ADAMTSL3: variants seen among roughly 807,000 people sequenced by gnomAD.
The protein encoded by ADAMTSL3 is ADAMTS like 3.
A neutral mutation model predicts 201.7 loss-of-function variants in ADAMTSL3; 128 were observed. The observed-to-expected ratio is 0.63, with a 90% CI of 0.55 to 0.73. ADAMTSL3 has a LOEUF of 0.73. Among genes scored for constraint, ADAMTSL3 ranks in the 30% least tolerant of loss-of-function variants. The pLI is 0.00. For missense variants in ADAMTSL3, 1,990 were observed against 2,119.6 expected, an observed-to-expected ratio of 0.94 and a Z score of 1.20; for synonymous variants, 738 against 748.4, an observed-to-expected ratio of 0.99 and a Z score of 0.23.
Position 83,937,052 on chromosome 15 carries a change from C to T in ADAMTSL3, c.2118-5544C>T, listed in dbSNP as rs1002056182. On this transcript the variant is annotated intron_variant, in intron 17 of 29. Transcript: ENST00000286744. Reference sequence around the variant, plus strand: ...TTGCAGAGAAAAGAGAACATTTATACGCTGCTGGTGGGAATGTAAATTAAT... The same window carrying T: ...TTGCAGAGAAAAGAGAACATTTATATGCTGCTGGTGGGAATGTAAATTAAT... Among the ~76,000 whole-genome samples, 18 of 151,052 alleles carry T rather than the reference C, an allele frequency of 1.2e-4. 2 individuals are homozygous for T. Among genetic ancestry groups the T allele is most frequent in the Admixed American group, 2.6e-4 (4 of 15,236 alleles).
chr15:83,834,748 T>C (rs1477736684), intron 6 of ADAMTSL3, among the ~76,000 whole-genome samples: 2 of 152,220 alleles, frequency 1.3e-5, no homozygotes, highest in Admixed American at 6.5e-5. Flanking sequence ...AACTACACTG[T>C]AAGGTAAGAA....
In ADAMTSL3 at chr15:83,936,976, C is replaced by T. The variant is rs536471930; in HGVS notation, c.2118-5620C>T. ...ACCATAGCGAGATACCATCTCTCACCAGTCAGATGGCTATTATTAAAAAGT... is the reference window on the plus strand; with the variant it reads ...ACCATAGCGAGATACCATCTCTCACTAGTCAGATGGCTATTATTAAAAAGT... On this transcript the variant is annotated intron_variant, in intron 17 of 29. Coordinates refer to ENST00000286744, the MANE Select transcript of ADAMTSL3 (RefSeq NM_207517.3). 2.6e-5 allele frequency among the ~76,000 whole-genome samples: 4 copies of T among 150,956 alleles called. 1 individual carries two copies. Among genetic ancestry groups the T allele is most frequent in the African/African-American group, 9.9e-5 (4 of 40,332 alleles).
chr15:83,831,048 A>G (rs980220455), intron 6 of ADAMTSL3, among the ~76,000 whole-genome samples: 1 of 152,230 alleles, frequency 6.6e-6, no homozygotes, highest in African/African-American at 2.4e-5. Context: ...GTTGATAGGC[A>G]GAAACAAAGG....
chr15:83,987,458 C>T (rs1010247970), intron 21 of ADAMTSL3, among the ~76,000 whole-genome samples: 1 of 152,102 alleles, frequency 6.6e-6, no homozygotes, highest in Admixed American at 6.5e-5. Flanking sequence ...TGGTTCCTGC[C>T]CTTGAAAAGA....
chr15:83,888,192 C>T (rs932289194), intron 10 of ADAMTSL3, among the ~76,000 whole-genome samples: 1 of 152,196 alleles, frequency 6.6e-6, no homozygotes, highest in Non-Finnish European at 1.5e-5. Context: ...TTTTAGGCTG[C>T]TTTTGGGGTT....
chr15:83,903,958 A>G lies in ADAMTSL3; in HGVS notation c.1700+4227A>G, dbSNP rs374396015. The stretch of plus-strand genomic sequence containing the variant: ...AAAAAAAAAAAAGAAAAAAGAAAGA[A>G]AGAAAGAAAGAAAAGGAGCTACAGT... On this transcript the variant is annotated intron_variant, in intron 15 of 29. Coordinates refer to ENST00000286744, the MANE Select transcript of ADAMTSL3 (RefSeq NM_207517.3). 7.5e-4 allele frequency among the ~76,000 whole-genome samples: 58 copies of G among 77,532 alleles called. 2 individuals are homozygous for G. Among genetic ancestry groups the G allele is most frequent in the African/African-American group, 3.6e-3 (54 of 14,976 alleles). 50.9% of individuals were successfully genotyped at this position (77,532 alleles called of 152,430 possible).
chr15:83,689,922 T>C (rs2061589455), intron 2 of ADAMTSL3, among the ~76,000 whole-genome samples: 1 of 152,216 alleles, frequency 6.6e-6, no homozygotes. Context: ...TTGTATTGTT[T>C]TCTTTATGGA....
chr15:83,987,771 TAAA>T (rs1298966469), intron 21 of ADAMTSL3, among the ~76,000 whole-genome samples: 5 of 152,026 alleles, frequency 3.3e-5, no homozygotes, highest in African/African-American at 1.2e-4. Context: ...TGACAGGAAA[TAAA>T]GAAGTGGCAC....
rs531617305 is a variant in ADAMTSL3 at position 83,682,688 on chromosome 15, C to T, written c.70-21701C>T. Among the ~76,000 whole-genome samples, 5 of 152,232 alleles carry T rather than the reference C, an allele frequency of 3.3e-5. No individual in the cohort carries two copies. The East Asian group carries it at 5.8e-4, about 18-fold the overall frequency. Reference sequence around the variant, plus strand: ...ATTGTACAAGGAAGCATGATAGTGCCGTAGTCTAAATAATACTAATTGGTG... The same window carrying T: ...ATTGTACAAGGAAGCATGATAGTGCTGTAGTCTAAATAATACTAATTGGTG... On this transcript the variant is annotated intron_variant, in intron 2 of 29. Transcript: ENST00000286744.
At chr15:83,957,512 G>A (rs1305345030) in intron 19 of ADAMTSL3, among the ~76,000 whole-genome samples, 1 of 152,202 alleles carries the variant, frequency 6.6e-6, no homozygotes, top group Non-Finnish European at 1.5e-5. Flanking sequence ...TGAAGAAGCA[G>A]TTGGGATAGA....
rs1369745071 is a variant in ADAMTSL3, at chr15:84,037,718, C to G, written c.4988C>G (p.Thr1663Ser). 2 of 1,610,096 alleles carry G rather than the reference C, an allele frequency of 1.2e-6. No homozygotes were observed. The highest frequency in any genetic ancestry group is 2.7e-5 in the African/African-American group (2 of 74,692). The change falls in exon 30 of 30, where the codon ACT becomes AGT. Residue 1663 changes from threonine to serine, a missense_variant. Transcript: ENST00000286744. ...TTTGCAGGAGACTGCACAGACACAA[C>G]TCACTACTGTATGTTTGTAAAACAT... ...PSCDRDCTDTTHYCMFVKHLN... is the reference protein window; with the variant it reads ...PSCDRDCTDTSHYCMFVKHLN...
chr15:83,693,998 C>A (rs2061646899), intron 2 of ADAMTSL3, among the ~76,000 whole-genome samples: 1 of 152,150 alleles, frequency 6.6e-6, no homozygotes, highest in Non-Finnish European at 1.5e-5. Context: ...CTTTTCTCTG[C>A]CAGAGAGATA....
chr15:83,994,985 G>A (rs1353919840), intron 23 of ADAMTSL3, among the ~76,000 whole-genome samples: 1 of 151,964 alleles, frequency 6.6e-6, no homozygotes, highest in African/African-American at 2.4e-5. Flanking sequence ...TTAGACAGAG[G>A]GCAAAGGAGA....
intron 3 of ADAMTSL3, among the ~76,000 whole-genome samples, chr15:83,740,919 T>C (rs2062444239): frequency 6.6e-6 from 1 of 152,082 alleles, no homozygotes; most frequent in Non-Finnish European, 1.5e-5. Context: ...GGTAAACCAA[T>C]ATATGTAGAA....
At chr15:83,704,595 A>T (rs1163155831) in intron 3 of ADAMTSL3, 87 bp downstream of exon 3, 1 of 1,540,638 alleles carries the variant, frequency 6.5e-7, no homozygotes, top group African/African-American at 1.4e-5. Flanking sequence ...CAAAGTAATT[A>T]TATTTTCCTC....
At chr15:83,756,941 C>G (rs1247422209) in intron 3 of ADAMTSL3, among the ~76,000 whole-genome samples, 1 of 152,228 alleles carries the variant, frequency 6.6e-6, no homozygotes, top group Non-Finnish European at 1.5e-5. Flanking sequence ...CTCTCACATC[C>G]AGGTCACGCT....
Position 83,820,012 on chromosome 15 carries a change from G to C in ADAMTSL3, c.565G>C (p.Asp189His). 1 of 1,614,100 alleles carries C rather than the reference G, an allele frequency of 6.2e-7. No homozygotes were observed. Among genetic ancestry groups the C allele is most frequent in the Non-Finnish European group, 8.5e-7 (1 of 1,180,014 alleles). Residue 189 changes from aspartate to histidine, a missense_variant, in exon 6 of 30, where the codon GAC becomes CAC. Transcript: ENST00000286744. ...KVLDGTRCNT[D>H]SLDMCISGIC... ...ACTGGATGGAACTCGTTGCAACACG[G>C]ACTCCTTGGACATGTGTATCAGTGG... is the stretch of plus-strand genomic sequence containing the variant.
Position 84,014,603 on chromosome 15 carries a change from C to G in ADAMTSL3, c.4035C>G (p.Ser1345=), listed in dbSNP as rs762870837. ...GAGGATCTCTGAGTGGCAATGTTTC[C>G]TTGCTTTTCAATGGATCCCTGTTGT... ...KRGGSLSGNV[S]LLFNGSLLLQ... The change falls in exon 24 of 30, where the codon TCC becomes TCG. Residue 1345 remains serine, a synonymous_variant. Coordinates refer to ENST00000286744, the MANE Select transcript of ADAMTSL3 (RefSeq NM_207517.3). The G allele has an allele frequency of 1.2e-6, 2 of 1,614,024 alleles. No homozygotes were observed. The highest frequency in any genetic ancestry group is 1.7e-5 in the Admixed American group (1 of 60,004).
rs2063521263 is a variant in ADAMTSL3 at position 83,801,658 on chromosome 15, ATATATATATATATATATAT to A, written c.318-2991_318-2973del. Among the ~76,000 whole-genome samples, 98 of 68,830 alleles carry A rather than the reference ATATATATATATATATATAT, an allele frequency of 1.4e-3. 6 individuals are homozygous for A. Among genetic ancestry groups the A allele is most frequent in the African/African-American group, 3.9e-3 (84 of 21,446 alleles). The allele number at this position is 68,830 out of a possible 152,430, so 45.2% of individuals were successfully genotyped here. ...TATAAATATATAAATATAAATATAT[ATATATATATATATATATAT>A]ATATATATATATATATATGTATGTA... is the stretch of plus-strand genomic sequence containing the variant. On this transcript the variant is annotated intron_variant, in intron 4 of 29. Transcript: ENST00000286744.
Sources: gnomAD v4.1 joint callset for allele counts (sites outside exome capture counted in the v4.1 genomes callset) on GRCh38, gnomAD v4.1.1 for gene constraint, MANE v1.5 for transcripts, NCBI Gene and HGNC (gene_info 2026-07-23, HGNC 2026-07-21) for gene names.